The following ERMP1 variants were observed in gnomAD, a reference collection of about 807,000 sequenced individuals.
The protein encoded by ERMP1 is Felix-ina.
In ERMP1, 86 loss-of-function variants were observed where a neutral mutation model predicts 92.0. That is an observed-to-expected ratio of 0.93 (90% CI 0.79 to 1.12). The LOEUF (loss-of-function observed/expected upper bound fraction) is 1.12, where lower values mean the gene tolerates loss of function less well. Ranked by LOEUF, ERMP1 falls within the 50% of genes most tolerant of loss-of-function variation. ERMP1 has a pLI of 0.00. For synonymous variants in ERMP1, 530 were observed against 412.8 expected (o/e 1.28, Z -3.44); for missense variants, 1,342 against 1,116.3 (o/e 1.20, Z -2.88).
At chr9:5,850,169 T>C (rs1830290800) in intron 6 of ERMP1, among the ~76,000 whole-genome samples, 1 of 152,012 alleles carries the variant, frequency 6.6e-6, no homozygotes, top group Non-Finnish European at 1.5e-5. Flanking sequence ...GCATCAGAAT[T>C]ACCCTGAGTG....
At chr9:5,861,415 T>G (rs1014585558) in intron 5 of ERMP1, among the ~76,000 whole-genome samples, 7 of 140,340 alleles carry the variant, frequency 5.0e-5, no homozygotes, top group Admixed American at 2.0e-4. Flanking sequence ...ACTTGCTGGG[T>G]TTTTTTTTAC....
Position 5,798,851 on chromosome 9 carries a change from G to C in ERMP1, c.2225C>G (p.Pro742Arg). The change falls in exon 12 of 15, where the codon CCT becomes CGT. Residue 742 changes from proline to arginine, a missense_variant. Transcript: ENST00000339450. ...AAGATACCAAGGAAAACCACAAAGA[G>C]GTGCATTCTCCTCACAGTGAGCTCG... is the stretch of plus-strand genomic sequence containing the variant. ...SIRAHCEENAPLCGFPWYLPV... is the reference protein window; with the variant it reads ...SIRAHCEENARLCGFPWYLPV... 1.2e-6 allele frequency: 2 copies of C among 1,613,874 alleles called. No homozygotes were observed. Among genetic ancestry groups the C allele is most frequent in the Non-Finnish European group, 8.5e-7 (1 of 1,179,874 alleles).
intron 6 of ERMP1, among the ~76,000 whole-genome samples, chr9:5,840,106 G>A (rs560214245): frequency 6.6e-6 from 1 of 152,204 alleles, no homozygotes; most frequent in Non-Finnish European, 1.5e-5. Context: ...ACCAGGCGTG[G>A]TGGCGCAGGC....
Position 5,830,717 on chromosome 9 carries a change from A to G in ERMP1, c.640+10T>C, listed in dbSNP as rs368961010. The G allele has an allele frequency of 1.7e-4, 273 of 1,587,210 alleles. No homozygotes were observed. The highest frequency in any genetic ancestry group is 2.2e-4 in the Non-Finnish European group (258 of 1,165,210). On this transcript the variant is annotated intron_variant, in intron 2 of 14. Transcript: ENST00000339450. Reference sequence around the variant, plus strand: ...GACAAGTTCCAAATGACTAAAAAACAGGTACATACCTGGTGAGTTTGCTAC... The same window carrying G: ...GACAAGTTCCAAATGACTAAAAAACGGGTACATACCTGGTGAGTTTGCTAC...
At chr9:5,860,215 G>A (rs1830444788) in intron 5 of ERMP1, among the ~76,000 whole-genome samples, 1 of 151,776 alleles carries the variant, frequency 6.6e-6, no homozygotes, top group African/African-American at 2.4e-5. Context: ...TGAGTCAGGA[G>A]GATTGCTTGA....
intron 7 of ERMP1, among the ~76,000 whole-genome samples, 196 bp from the exon 8 acceptor site, chr9:5,810,427 T>C (rs1829048312): frequency 6.6e-6 from 1 of 152,146 alleles, no homozygotes. Context: ...TCAGGTAACA[T>C]TTATTAAGAG....
intron 11 of ERMP1, among the ~76,000 whole-genome samples, chr9:5,799,900 T>C (rs1429762082): frequency 6.6e-6 from 1 of 152,250 alleles, no homozygotes; most frequent in Non-Finnish European, 1.5e-5. Flanking sequence ...AAATCCGTTC[T>C]TCACTAAAGG....
At chr9:5,861,170 G>GTGTGTGTGTGTGTGTGTGTGTGTGTGT (rs1554630171) in intron 5 of ERMP1, among the ~76,000 whole-genome samples, 2 of 102,078 alleles carry the variant, frequency 2.0e-5, no homozygotes, top group Admixed American at 2.1e-4. Context: ...TGGCTTAGGG[G>GTGTGTGTGTGTGTGTGTGTGTGTGTGT]GTGTGTGTGT....
In ERMP1 at chr9:5,805,066, G is replaced by A. The variant is rs762344215; in HGVS notation, c.1875C>T (p.Ser625=). Residue 625 remains serine, a synonymous_variant, in exon 10 of 15, where the codon TCC becomes TCT. Coordinates refer to ENST00000339450, the MANE Select transcript of ERMP1 (RefSeq NM_024896.3). ...SEIPPDVVLA[S]ILAGCTMILS... Reference sequence around the variant, plus strand: ...GAATCATTGTACAGCCAGCCAAAATGGATGCCAGCACAACATCAGGTGGGA... The same window carrying A: ...GAATCATTGTACAGCCAGCCAAAATAGATGCCAGCACAACATCAGGTGGGA... 1.2e-6 allele frequency: 2 copies of A among 1,612,892 alleles called. No homozygotes were observed. Among genetic ancestry groups the A allele is most frequent in the Non-Finnish European group, 1.7e-6 (2 of 1,179,786 alleles).
At chr9:5,850,692 T>C (rs1174040480) in intron 6 of ERMP1, among the ~76,000 whole-genome samples, 1 of 152,152 alleles carries the variant, frequency 6.6e-6, no homozygotes, top group Non-Finnish European at 1.5e-5. Context: ...AGTATTCAGT[T>C]AATTTGGATG....
chr9:5,842,163 TG>T (rs1418523500), intron 6 of ERMP1, among the ~76,000 whole-genome samples: 2 of 152,332 alleles, frequency 1.3e-5, no homozygotes, highest in Non-Finnish European at 2.9e-5. Flanking sequence ...TTGCAGCTGC[TG>T]GCTGGGGTGG....
At chr9:5,811,518 A>G (rs1389908605) in intron 6 of ERMP1, among the ~76,000 whole-genome samples, 195 bp from the exon 7 acceptor site, 2 of 152,136 alleles carry the variant, frequency 1.3e-5, no homozygotes, top group African/African-American at 4.8e-5. Flanking sequence ...TTTTTTTACT[A>G]AATTTCTCAA....
At chr9:5,795,686 G>T (rs191278862) in intron 13 of ERMP1, among the ~76,000 whole-genome samples, 1,718 of 152,206 alleles carry the variant, frequency 0.011, 44 homozygotes, top group African/African-American at 0.039. Flanking sequence ...GCTGAGGCGG[G>T]AGAATCACTT....
intron 6 of ERMP1, among the ~76,000 whole-genome samples, chr9:5,851,520 C>T (rs1008241488): frequency 6.6e-6 from 1 of 152,204 alleles, no homozygotes; most frequent in South Asian, 2.1e-4. Flanking sequence ...TGGGAGGAGG[C>T]GAGGGAGGGT....
At chr9:5,816,809 A>G (rs528547103) in intron 4 of ERMP1, among the ~76,000 whole-genome samples, 1 of 152,348 alleles carries the variant, frequency 6.6e-6, no homozygotes, top group Non-Finnish European at 1.5e-5. Flanking sequence ...CGGAGTGGTC[A>G]CATGACCTGT....
At position 5,847,536 on chromosome 9, in the gene ERMP1, C is replaced by T. The variant is rs1212010647; in HGVS notation, n.3199+11932G>A. 4.0e-5 allele frequency among the ~76,000 whole-genome samples: 6 copies of T among 151,866 alleles called. No individual in the cohort carries two copies. In the East Asian group the frequency reaches 1.2e-3, roughly 30 times the overall value. ...TACAGGTGTGAGCTACTGCACCTGA[C>T]CCCCAGATGGCTTTTTCACTAAAAC... On this transcript the variant is annotated intron_variant and non_coding_transcript_variant, in intron 6 of 6. Transcript: ENST00000690753.
At position 5,798,811 on chromosome 9, in the gene ERMP1, C is replaced by A; in HGVS notation, c.2265G>T (p.Leu755=). 1.2e-6 allele frequency: 2 copies of A among 1,611,434 alleles called. No individual in the cohort carries two copies. Among genetic ancestry groups the A allele is most frequent in the South Asian group, 2.2e-5 (2 of 90,998 alleles). ...CAGAAAAATAATGAACCAACCTGAT[C>A]AGAAAGTGCACTGGAAGATACCAAG... is the stretch of plus-strand genomic sequence containing the variant. ...GFPWYLPVHF[L]IRKNWYLPAP... The change falls in exon 12 of 15, where the codon CTG becomes CTT. Residue 755 remains leucine (L), a synonymous_variant. Coordinates refer to ENST00000339450, the MANE Select transcript of ERMP1 (RefSeq NM_024896.3).
rs199887119 is a variant in ERMP1 at position 5,801,213 on chromosome 9, T to C, written c.2030A>G (p.Asn677Ser). The C allele has an allele frequency of 3.1e-6, 5 of 1,613,736 alleles. No homozygotes were observed. Among genetic ancestry groups the C allele is most frequent in the East Asian group, 2.2e-5 (1 of 44,858 alleles). ...TCTCTTTGGCTTCGGATTAGCAGGA[T>C]TGGAGCTATATGGAAAAAATGTTCC... ...CSGTFFPYSSNPANPKPKRVF... is the reference protein window; with the variant it reads ...CSGTFFPYSSSPANPKPKRVF... Residue 677 changes from asparagine (N) to serine (S), a missense_variant, in exon 11 of 15, where the codon AAT (asparagine) becomes AGT (serine). Coordinates refer to ENST00000339450, the MANE Select transcript of ERMP1 (RefSeq NM_024896.3).
At chr9:5,844,263 G>GTT (rs976188107) in intron 6 of ERMP1, among the ~76,000 whole-genome samples, 5 of 152,020 alleles carry the variant, frequency 3.3e-5, no homozygotes, top group Admixed American at 2.6e-4. Flanking sequence ...AAGATTTTGT[G>GTT]TTTTTTTGTT....
Sources: gnomAD v4.1 joint callset for allele counts (sites outside exome capture counted in the v4.1 genomes callset) on GRCh38, gnomAD v4.1.1 for gene constraint, MANE v1.5 for transcripts, NCBI Gene and HGNC (gene_info 2026-07-23, HGNC 2026-07-21) for gene names.